Variants in UTP20 observed in about 807,000 individuals in gnomAD.
The protein encoded by UTP20 is UTP20 small subunit processome component.
A neutral mutation model predicts 329.5 loss-of-function variants in UTP20; 164 were observed. The ratio of observed to expected loss-of-function variants is 0.50; its 90% CI spans 0.44 to 0.57. UTP20 has a LOEUF of 0.57. UTP20 is among the 20% of genes least tolerant of loss of function. The pLI, the probability that UTP20 is intolerant of heterozygous loss-of-function variation, is 0.00. For missense variants in UTP20, 3,055 were observed against 3,284.2 expected (o/e 0.93, Z 1.71); for synonymous variants, 1,151 against 1,159.3 (o/e 0.99, Z 0.14).
chr12:101,324,830 C>A (rs1408393489), intron 25 of UTP20, among the ~76,000 whole-genome samples: 2 of 152,014 alleles, frequency 1.3e-5, no homozygotes, highest in African/African-American at 2.4e-5. Context: ...TTCATTTATT[C>A]AAATCATTCC....
At chr12:101,281,375 G>A (rs934966224) in intron 2 of UTP20, among the ~76,000 whole-genome samples, 179 bp downstream of exon 2, 1 of 152,124 alleles carries the variant, frequency 6.6e-6, no homozygotes, top group African/African-American at 2.4e-5. Context: ...TAAAAATTTG[G>A]GTGCCCAAAT....
chr12:101,312,946 A>G (rs1872842165), intron 21 of UTP20, among the ~76,000 whole-genome samples: 1 of 152,202 alleles, frequency 6.6e-6, no homozygotes, highest in African/African-American at 2.4e-5. Flanking sequence ...TCATGTAGAA[A>G]GGCCTTATTA....
intron 28 of UTP20, among the ~76,000 whole-genome samples, chr12:101,333,836 G>C (rs1455124261): frequency 1.3e-5 from 2 of 152,160 alleles, no homozygotes; most frequent in African/African-American, 4.8e-5. Flanking sequence ...GCTAATTTTT[G>C]TATTTTTAGT....
At position 101,299,828 on chromosome 12, in the gene UTP20, C is replaced by T. The variant is rs954562180; in HGVS notation, c.1577C>T (p.Pro526Leu). 2 of 1,604,864 alleles carry T rather than the reference C, an allele frequency of 1.2e-6. No homozygotes were observed. Among genetic ancestry groups the T allele is most frequent in the African/African-American group, 2.7e-5 (2 of 74,450 alleles). Residue 526 changes from proline to leucine, a missense_variant, in exon 13 of 62, where the codon CCT becomes CTT. Physicochemically the swap from Pro to Leu is moderately conservative, Grantham distance 98 (BLOSUM62 -3). This residue lies in a region of UTP20 where 2,445 missense variants were observed against 2,575.5 expected (regional missense o/e 0.95). Transcript: ENST00000261637. ...TCTTGGGCAGCCCTCGTGGTGTTAC[C>T]TCATATTAGGTAAGAAAATAAGCTA... is the stretch of plus-strand genomic sequence containing the variant. ...SQSWAALVVL[P>L]HIRPLEKEKV... is the part of the protein sequence containing the mutation.
intron 11 of UTP20, 56 bp downstream of exon 11, chr12:101,293,301 C>A: frequency 2.0e-6 from 3 of 1,515,034 alleles, no homozygotes; most frequent in Non-Finnish European, 9.1e-7. Flanking sequence ...CAGGAAAAAA[C>A]GATCAAATTT....
intron 38 of UTP20, among the ~76,000 whole-genome samples, chr12:101,347,398 C>T (rs991921181): frequency 1.3e-5 from 2 of 152,062 alleles, no homozygotes; most frequent in African/African-American, 2.4e-5. Context: ...TGGTGCATGC[C>T]TGTAATCCCA....
intron 18 of UTP20, among the ~76,000 whole-genome samples, chr12:101,308,870 C>T (rs1872707789): frequency 6.6e-6 from 1 of 152,048 alleles, no homozygotes; most frequent in South Asian, 2.1e-4. Context: ...GTTGCTGGAA[C>T]TACAGGTGCA....
At chr12:101,282,933 A>C (rs1179915967) in intron 2 of UTP20, among the ~76,000 whole-genome samples, 1 of 152,244 alleles carries the variant, frequency 6.6e-6, no homozygotes, top group Non-Finnish European at 1.5e-5. Context: ...AAGGAAGATA[A>C]TGAGGTTAAG....
At position 101,317,639 on chromosome 12, in the gene UTP20, A is replaced by G. The variant is rs1565792287; in HGVS notation, c.2714A>G (p.Lys905Arg). The G allele has an allele frequency of 1.2e-6, 2 of 1,612,568 alleles. No individual in the cohort carries two copies. Residue 905 changes from lysine to arginine, a missense_variant, in exon 22 of 62, where the codon AAA (lysine) becomes AGA (arginine). Physicochemically the swap from Lys to Arg is conservative, Grantham distance 26. Around this residue, in one of 3 missense-constraint regions of UTP20, gnomAD observed 2,445 missense variants for 2,575.5 expected, o/e 0.95. Transcript: ENST00000261637. ...AVPQDESSQKKKTRRAAAKQL... is the reference protein window; with the variant it reads ...AVPQDESSQKRKTRRAAAKQL... ...CCCCAAGATGAATCCTCACAGAAGA[A>G]AAAGACGAGGAGAGCTGCAGCAAAG... is the stretch of plus-strand genomic sequence containing the variant.
At position 101,323,486 on chromosome 12, in the gene UTP20, T is replaced by G. The variant is rs548818996; in HGVS notation, c.3041+1857T>G. On this transcript the variant is annotated intron_variant, in intron 25 of 61. Transcript: ENST00000261637. Reference sequence around the variant, plus strand: ...CACACCATTCCAACACTAGGGTGTTTGTTGTTATTATTTTTTGATTGTTTT... The same window carrying G: ...CACACCATTCCAACACTAGGGTGTTGGTTGTTATTATTTTTTGATTGTTTT... 1.7e-3 allele frequency among the ~76,000 whole-genome samples: 262 copies of G among 152,320 alleles called. 1 individual carries two copies. The highest frequency in any genetic ancestry group is 6.1e-3 in the African/African-American group (253 of 41,576).
chr12:101,292,044 T>C lies in UTP20; in HGVS notation c.1113T>C (p.Ala371=). ...AGACCCTCTTGGATGTAATTTCTGC[T>C]TTGATCCTGGGTGAAAATGTTTCCT... ...CWETLLDVIS[A]LILGENVSLP... is the part of the protein sequence containing the mutation. The change falls in exon 10 of 62, where the codon GCT becomes GCC. Residue 371 remains alanine (A), a synonymous_variant. Coordinates refer to ENST00000261637, the MANE Select transcript of UTP20 (RefSeq NM_014503.3). 3 of 1,614,164 alleles carry C rather than the reference T, an allele frequency of 1.9e-6. No individual in the cohort carries two copies. Among genetic ancestry groups the C allele is most frequent in the South Asian group, 2.2e-5 (2 of 91,076 alleles).
chr12:101,306,112 T>C (rs780054819), intron 16 of UTP20, 47 bp downstream of exon 16: 5 of 1,550,546 alleles, frequency 3.2e-6, no homozygotes, highest in Non-Finnish European at 4.4e-6. Context: ...CTTCTCCTGT[T>C]TCTATATGGA....
chr12:101,289,093 T>A lies in UTP20; in HGVS notation c.597+52T>A, dbSNP rs373806953. ...TGCTAATCATCAAGAATCTGATGAA[T>A]AGGCCAGGCGTGGTGGCTCATGCCT... is the stretch of plus-strand genomic sequence containing the variant. On this transcript the variant is annotated intron_variant, in intron 6 of 61. Coordinates refer to ENST00000261637, the MANE Select transcript of UTP20 (RefSeq NM_014503.3). The A allele has an allele frequency of 9.3e-5, 142 of 1,519,912 alleles. 1 individual carries two copies. Among genetic ancestry groups the A allele is most frequent in the Non-Finnish European group, 1.2e-4 (132 of 1,100,230 alleles). 94.2% of individuals were successfully genotyped at this position (1,519,912 alleles called of 1,614,324 possible).
At chr12:101,298,390 A>G (rs1872426010) in intron 12 of UTP20, among the ~76,000 whole-genome samples, 1 of 152,312 alleles carries the variant, frequency 6.6e-6, no homozygotes, top group African/African-American at 2.4e-5. Flanking sequence ...CAGCCTTGCA[A>G]AGATCTCAGT....
intron 15 of UTP20, among the ~76,000 whole-genome samples, chr12:101,304,365 C>G (rs747505397): frequency 6.6e-6 from 1 of 152,152 alleles, no homozygotes; most frequent in Non-Finnish European, 1.5e-5. Context: ...AGAAATCTCA[C>G]CTTGTAGAGA....
At chr12:101,316,215 A>G (rs1054589382) in intron 21 of UTP20, among the ~76,000 whole-genome samples, 5 of 152,266 alleles carry the variant, frequency 3.3e-5, no homozygotes, top group Admixed American at 1.3e-4. Flanking sequence ...AACCAGGAAC[A>G]AGAACGAATG....
At chr12:101,280,655 G>C (rs1871766048) in intron 1 of UTP20, among the ~76,000 whole-genome samples, 1 of 152,162 alleles carries the variant, frequency 6.6e-6, no homozygotes, top group Admixed American at 6.5e-5. Flanking sequence ...TGGGCGAGTC[G>C]GCTGGCGGTG....
Position 101,352,213 on chromosome 12 carries a change from T to TTTTTG in UTP20, c.5024+29_5024+33dup, listed in dbSNP as rs1353580071. ...GTGTCAGGTGTGGTCAAACTTCTTA[T>TTTTTG]TTTTGTTTTGTTTTTTAAATGTAAT... On this transcript the variant is annotated intron_variant, in intron 39 of 61. Coordinates refer to ENST00000261637, the MANE Select transcript of UTP20 (RefSeq NM_014503.3). 6.3e-7 allele frequency: 1 copy of TTTTTG among 1,592,084 alleles called. No individual in the cohort carries two copies. The highest frequency in any genetic ancestry group is 8.5e-7 in the Non-Finnish European group (1 of 1,174,172).
At chr12:101,333,849 A>G (rs1251537455) in intron 28 of UTP20, among the ~76,000 whole-genome samples, 1 of 152,188 alleles carries the variant, frequency 6.6e-6, no homozygotes, top group East Asian at 1.9e-4. Flanking sequence ...TTTTTAGTAG[A>G]GATGGAGTTT....
Sources: allele counts gnomAD v4.1 joint callset (sites outside exome capture counted in the v4.1 genomes callset), GRCh38; gene constraint gnomAD v4.1.1; regional missense constraint gnomAD v4.1.1; transcripts MANE v1.5; gene names NCBI Gene and HGNC (gene_info 2026-07-23, HGNC 2026-07-21).